The following YBEY variants were observed in gnomAD, a reference collection of about 807,000 sequenced individuals.
The protein encoded by YBEY is endoribonuclease YbeY.
In YBEY, 15 loss-of-function variants were observed where a neutral mutation model predicts 13.5. That is an observed-to-expected ratio of 1.11 (90% confidence interval 0.75 to 1.72). YBEY has a LOEUF of 1.72. Ranked by LOEUF, YBEY falls within the 40% of genes most tolerant of loss-of-function variation. YBEY has a pLI of 0.00. For missense variants in YBEY, 244 were observed against 208.4 expected (o/e 1.17, Z -1.05); for synonymous variants, 101 against 83.1 (o/e 1.21, Z -1.17).
intron 4 of YBEY, 39 bp from the exon 5 acceptor site, chr21:46,297,500 C>T (rs944294396): frequency 7.4e-7 from 1 of 1,344,948 alleles, no homozygotes; most frequent in Admixed American, 3.6e-5. Flanking sequence ...GGCGCGGACA[C>T]CTTCCCTGGG....
At chr21:46,307,853 C>T in the YBEY span, among the ~76,000 whole-genome samples, 16 of 152,292 alleles carry the variant, frequency 1.1e-4, no homozygotes, top group African/African-American at 3.8e-4. Flanking sequence ...CACAATCAAC[C>T]ACCACTGCAT....
At chr21:46,300,542 C>G, downstream of YBEY, 1 of 691,624 alleles carries the variant, frequency 1.4e-6, no homozygotes, top group Non-Finnish European at 1.9e-6. Flanking sequence ...AGCACAGAGT[C>G]TCTGGAATCA....
chr21:46,306,515 T>C, the YBEY span, among the ~76,000 whole-genome samples: 2 of 152,308 alleles, frequency 1.3e-5, no homozygotes, highest in South Asian at 4.1e-4. Context: ...AAAAATCTTT[T>C]ATGAATTCCT....
downstream of YBEY, chr21:46,302,491 G>A: frequency 1.9e-6 from 3 of 1,609,588 alleles, no homozygotes; most frequent in Non-Finnish European, 2.5e-6. Context: ...CTACCTGCAG[G>A]GCTGGGGGCA....
the YBEY span, among the ~76,000 whole-genome samples, chr21:46,305,934 C>T: frequency 1.3e-4 from 19 of 150,906 alleles, no homozygotes; most frequent in Admixed American, 5.9e-4. Flanking sequence ...AGCGAGACTC[C>T]GTCTCAAAAA....
downstream of YBEY, chr21:46,302,691 C>CG: frequency 2.4e-6 from 2 of 830,628 alleles, no homozygotes; most frequent in South Asian, 3.3e-5. Context: ...TGCAGGTCCC[C>CG]GGGGCAGGCT....
At chr21:46,297,867 T>G (rs2082003033), downstream of YBEY, 4 of 977,448 alleles carry the variant, frequency 4.1e-6, no homozygotes, top group Non-Finnish European at 3.9e-6. Flanking sequence ...CGCGCAGCGC[T>G]CGCCTCTCGC....
At chr21:46,299,336 C>T (rs1029134896), downstream of YBEY, among the ~76,000 whole-genome samples, 8 of 152,198 alleles carry the variant, frequency 5.3e-5, 1 homozygote, top group South Asian at 8.3e-4. Flanking sequence ...AAGAGCCGCC[C>T]GTGGCCCAGG....
Position 46,297,628 on chromosome 21 carries a change from G to A in YBEY, c.498G>A (p.Gly166=). Residue 166 remains glycine (G), a synonymous_variant, in exon 5 of 5, where the codon GGG becomes GGA. Transcript: ENST00000397701. The part of the protein sequence containing the change: ...LQPLTRGLFG[G]S ...CCCTGACCCGGGGCCTCTTCGGAGG[G>A]AGCTGAGGGCCGCGTTCCTTCTGAA... The A allele has an allele frequency of 7.6e-7, 1 of 1,323,154 alleles. No individual in the cohort carries two copies. The highest frequency in any genetic ancestry group is 9.8e-7 in the Non-Finnish European group (1 of 1,023,626). 82.0% of individuals were successfully genotyped at this position (1,323,154 alleles called of 1,614,324 possible). A position where few individuals can be genotyped will look rare whatever the true frequency, so the allele number is the denominator to read the frequency against.
At chr21:46,312,976 A>T in the YBEY span, 7 of 985,302 alleles carry the variant, frequency 7.1e-6, no homozygotes, top group Non-Finnish European at 8.4e-6. Flanking sequence ...TTCGAGCATG[A>T]AAGGCCTTCT....
downstream of YBEY, chr21:46,300,399 C>G (rs1031224887): frequency 4.4e-5 from 8 of 183,752 alleles, no homozygotes; most frequent in South Asian, 6.3e-4. Flanking sequence ...CCATTGCACT[C>G]CAGCCTGGGC....
At chr21:46,313,070 G>A in the YBEY span, 1 of 985,408 alleles carries the variant, frequency 1.0e-6, no homozygotes. Flanking sequence ...GAGACCAAGA[G>A]TTGGCAAACT....
At chr21:46,292,456 G>A (rs994181905) in intron 3 of YBEY, among the ~76,000 whole-genome samples, 1 of 152,218 alleles carries the variant, frequency 6.6e-6, no homozygotes, top group African/African-American at 2.4e-5. Context: ...ATTCGTTTTA[G>A]GGAGGGATGA....
chr21:46,312,389 G>T, the YBEY span, among the ~76,000 whole-genome samples: 1 of 152,068 alleles, frequency 6.6e-6, no homozygotes, highest in Admixed American at 6.6e-5. Context: ...TACAACCTCA[G>T]CTCACTGCAA....
intron 3 of YBEY, among the ~76,000 whole-genome samples, chr21:46,295,196 G>A (rs2081909701): frequency 6.6e-6 from 1 of 152,032 alleles, no homozygotes; most frequent in Admixed American, 6.5e-5. Context: ...CTCTCCTTGG[G>A]GCTCCCTATT....
the YBEY span, among the ~76,000 whole-genome samples, chr21:46,304,830 G>A: frequency 6.6e-6 from 1 of 152,220 alleles, no homozygotes; most frequent in African/African-American, 2.4e-5. Flanking sequence ...GTGTACATCA[G>A]TAGATAGATA....
intron 3 of YBEY, chr21:46,291,915 T>A: frequency 1.2e-6 from 1 of 861,948 alleles, no homozygotes; most frequent in Non-Finnish European, 1.4e-6. Flanking sequence ...AGAGAAAGAG[T>A]TTAACACAGA....
intron 4 of YBEY, 53 bp from the exon 5 acceptor site, chr21:46,297,486 G>T: frequency 7.5e-7 from 1 of 1,328,140 alleles, no homozygotes; most frequent in Non-Finnish European, 9.7e-7. Context: ...ACCCCAGAGA[G>T]TGGGGCGCGG....
At chr21:46,302,966 G>A in the YBEY span, among the ~76,000 whole-genome samples, 4 of 148,858 alleles carry the variant, frequency 2.7e-5, no homozygotes, top group Admixed American at 1.3e-4. Context: ...GTCTGTACAC[G>A]GTGCGGGTCC....
Sources: gnomAD v4.1 joint callset for allele counts (sites outside exome capture counted in the v4.1 genomes callset) on GRCh38, gnomAD v4.1.1 for gene constraint, MANE v1.5 for transcripts, NCBI Gene and HGNC (gene_info 2026-07-23, HGNC 2026-07-21) for gene names.